The following NUDCD3 variants were observed in gnomAD, a reference collection of about 807,000 sequenced individuals.
The protein encoded by NUDCD3 is NudC domain containing 3, also known as nudC domain-containing protein 3.
NUDCD3 carries 13 observed loss-of-function variants against 39.7 expected under a neutral mutation model. The observed-to-expected ratio is 0.33, with a 90% CI of 0.21 to 0.52. The LOEUF (loss-of-function observed/expected upper bound fraction) is 0.52, where lower values mean the gene tolerates loss of function less well. Ranked by LOEUF, NUDCD3 falls within the 20% of genes least tolerant of loss-of-function variation. The pLI is 0.96. For synonymous variants in NUDCD3, 175 were observed against 172.4 expected, an observed-to-expected ratio of 1.02 and a Z score of -0.12; for missense variants, 453 against 458.1, an observed-to-expected ratio of 0.99 and a Z score of 0.10.
rs1177273374 is a variant in NUDCD3 at position 44,434,038 on chromosome 7, C to T, written c.510-6335G>A. Among the ~76,000 whole-genome samples the T allele has an allele frequency of 2.6e-5, 4 of 152,262 alleles. No homozygotes were observed. In the East Asian group the frequency reaches 7.7e-4, roughly 29 times the overall value. On this transcript the variant is annotated intron_variant, in intron 2 of 5. Transcript: ENST00000355451. ...CTTCTGGGTTTCTTCATTTTCAAAGCTTTACAAAATAAGCATTATTATAAA... is the reference window on the plus strand; with the variant it reads ...CTTCTGGGTTTCTTCATTTTCAAAGTTTTACAAAATAAGCATTATTATAAA...
intron 3 of NUDCD3, 57 bp downstream of exon 3, chr7:44,427,514 C>A: frequency 6.4e-7 from 1 of 1,572,962 alleles, no homozygotes; most frequent in Non-Finnish European, 8.6e-7. Flanking sequence ...GTCTTCCCTG[C>A]AACAGCTTTG....
chr7:44,392,081 T>A (rs1306954935), intron 5 of NUDCD3, among the ~76,000 whole-genome samples: 1 of 152,190 alleles, frequency 6.6e-6, no homozygotes, highest in Non-Finnish European at 1.5e-5. Context: ...TCAGCCCAGG[T>A]ATGAGAACAC....
At chr7:44,453,983 C>T (rs1356504889) in intron 2 of NUDCD3, among the ~76,000 whole-genome samples, 3 of 152,016 alleles carry the variant, frequency 2.0e-5, no homozygotes, top group Non-Finnish European at 4.4e-5. Flanking sequence ...GTCAAGGCTG[C>T]AGTGAGCTGT....
chr7:44,380,032 T>A lies in NUDCD3; in HGVS notation c.*5979A>T, dbSNP rs894500863. ...CGGGGAGGCAGACAGCGTCCACCAC[T>A]ACCAGGTCCACCTGCTTTAGGTATA... On this transcript the variant is annotated 3_prime_UTR_variant, in exon 6 of 6. Coordinates refer to ENST00000355451, the MANE Select transcript of NUDCD3 (RefSeq NM_015332.4). 16 of 152,268 alleles carry A rather than the reference T, an allele frequency of 1.1e-4. No individual in the cohort carries two copies. The highest frequency in any genetic ancestry group is 1.0e-3 in the Admixed American group (16 of 15,284). 9.4% of individuals were successfully genotyped at this position (152,268 alleles called of 1,614,324 possible).
rs537334658 is a variant in NUDCD3 at position 44,462,590 on chromosome 7, C to T, written c.509+22378G>A. Among the ~76,000 whole-genome samples the T allele has an allele frequency of 2.0e-5, 3 of 152,336 alleles. No homozygotes were observed. The East Asian group carries it at 5.8e-4, about 29-fold the overall frequency. ...CAGAAAACTCCTACTTGATCAGCAG[C>T]TCTCAAAGGGAGGGTAGGCCCTGCC... On this transcript the variant is annotated intron_variant, in intron 2 of 5. Transcript: ENST00000355451.
At chr7:44,454,231 G>C (rs1337835281) in intron 2 of NUDCD3, among the ~76,000 whole-genome samples, 1 of 152,038 alleles carries the variant, frequency 6.6e-6, no homozygotes, top group African/African-American at 2.4e-5. Context: ...CCCAGCTACT[G>C]GGGAGGCTGA....
chr7:44,433,309 AC>A (rs2116910872), intron 2 of NUDCD3, among the ~76,000 whole-genome samples: 1 of 152,242 alleles, frequency 6.6e-6, no homozygotes, highest in African/African-American at 2.4e-5. Flanking sequence ...TGTGCAGTGC[AC>A]TGTGTGGTAA....
chr7:44,427,513 G>C, intron 3 of NUDCD3, 58 bp downstream of exon 3: 3 of 1,569,944 alleles, frequency 1.9e-6, no homozygotes, highest in Non-Finnish European at 2.6e-6. Context: ...GGTCTTCCCT[G>C]CAACAGCTTT....
rs188353658 is a variant in NUDCD3, at chr7:44,432,215, A to G, written c.510-4512T>C. Among the ~76,000 whole-genome samples, 139 of 152,312 alleles carry G rather than the reference A, an allele frequency of 9.1e-4. 2 individuals carry two copies. Among genetic ancestry groups the G allele is most frequent in the Admixed American group, 7.9e-3 (121 of 15,294 alleles). ...GAGAATAGCTTGAGCCCAGGCGTTT[A>G]AGGTTATAATGAACTATGATTGTAC... On this transcript the variant is annotated intron_variant, in intron 2 of 5. Coordinates refer to ENST00000355451, the MANE Select transcript of NUDCD3 (RefSeq NM_015332.4).
At chr7:44,397,608 T>A (rs568300322) in intron 4 of NUDCD3, among the ~76,000 whole-genome samples, 1 of 152,296 alleles carries the variant, frequency 6.6e-6, no homozygotes, top group East Asian at 1.9e-4. Context: ...TCATTTTTTT[T>A]AACATTTTAT....
chr7:44,385,643 G>A lies in NUDCD3; in HGVS notation c.*368C>T, dbSNP rs1798388833. ...ACTCCACATCCCAACCAGAAGACATGCAAGCAGAATAGCGTCAAAACAACA... is the reference window on the plus strand; with the variant it reads ...ACTCCACATCCCAACCAGAAGACATACAAGCAGAATAGCGTCAAAACAACA... On this transcript the variant is annotated 3_prime_UTR_variant, in exon 6 of 6. Coordinates refer to ENST00000355451, the MANE Select transcript of NUDCD3 (RefSeq NM_015332.4). 4.5e-6 allele frequency: 1 copy of A among 222,624 alleles called. No individual in the cohort carries two copies. The highest frequency in any genetic ancestry group is 8.8e-6 in the Non-Finnish European group (1 of 113,320). 13.8% of individuals were successfully genotyped at this position (222,624 alleles called of 1,614,324 possible).
Position 44,379,756 on chromosome 7 carries a change from C to A in NUDCD3, c.*6255G>T, listed in dbSNP as rs767243070. 2.0e-5 allele frequency: 3 copies of A among 152,290 alleles called. No homozygotes were observed. Among genetic ancestry groups the A allele is most frequent in the Non-Finnish European group, 4.4e-5 (3 of 68,170 alleles). The allele number at this position is 152,290 out of a possible 1,614,324, so 9.4% of individuals were successfully genotyped here. ...CCCGAGTTTCCCCCACTGCATAGAG[C>A]CTGGTGCCAGGGAAGACAGGCTGGA... is the stretch of plus-strand genomic sequence containing the variant. On this transcript the variant is annotated 3_prime_UTR_variant, in exon 6 of 6. Transcript: ENST00000355451.
intron 2 of NUDCD3, among the ~76,000 whole-genome samples, chr7:44,477,535 C>T (rs1005408772): frequency 6.6e-6 from 1 of 152,196 alleles, no homozygotes; most frequent in Non-Finnish European, 1.5e-5. Flanking sequence ...ACCTGCAGGT[C>T]AAGAGCCTGA....
intron 1 of NUDCD3, among the ~76,000 whole-genome samples, chr7:44,488,345 A>C (rs1360099857): frequency 1.3e-5 from 2 of 151,744 alleles, no homozygotes; most frequent in Non-Finnish European, 2.9e-5. Flanking sequence ...CAGGAAAAAA[A>C]AAAAAAAAAA....
intron 2 of NUDCD3, 66 bp downstream of exon 2, chr7:44,484,902 T>A: frequency 8.3e-7 from 1 of 1,208,866 alleles, no homozygotes; most frequent in South Asian, 1.5e-5. Context: ...AAGAATAAAT[T>A]ATGGAGAAAC....
intron 4 of NUDCD3, among the ~76,000 whole-genome samples, chr7:44,399,691 C>A (rs780145734): frequency 4.6e-5 from 7 of 152,122 alleles, no homozygotes; most frequent in Non-Finnish European, 7.4e-5. Context: ...ATGTCATCGG[C>A]GACACTCCAG....
intron 2 of NUDCD3, among the ~76,000 whole-genome samples, chr7:44,433,514 AGT>A (rs563697438): frequency 3.3e-5 from 5 of 151,896 alleles, no homozygotes; most frequent in Non-Finnish European, 7.4e-5. Flanking sequence ...GTGGGCATGC[AGT>A]GTGTGTGTGC....
rs760948551 is a variant in NUDCD3, at chr7:44,490,401, C to G, written c.192+8G>C. 7 of 1,541,598 alleles carry G rather than the reference C, an allele frequency of 4.5e-6. No homozygotes were observed. The highest frequency in any genetic ancestry group is 5.2e-6 in the Non-Finnish European group (6 of 1,145,304). ...CGGCTCCCCAGACCGCAGGCCCGCC[C>G]GCCTCACCTGCAGCACCAAGGCCTG... On this transcript the variant is annotated splice_region_variant and intron_variant, in intron 1 of 5. Coordinates refer to ENST00000355451, the MANE Select transcript of NUDCD3 (RefSeq NM_015332.4).
intron 4 of NUDCD3, among the ~76,000 whole-genome samples, chr7:44,393,493 A>G (rs1563163773): frequency 6.6e-6 from 1 of 152,206 alleles, no homozygotes; most frequent in Non-Finnish European, 1.5e-5. Flanking sequence ...ACAGAAAACA[A>G]GAAAACTGGC....
Sources: allele counts gnomAD v4.1 joint callset (sites outside exome capture counted in the v4.1 genomes callset), GRCh38; gene constraint gnomAD v4.1.1; transcripts MANE v1.5; gene names NCBI Gene and HGNC (gene_info 2026-07-23, HGNC 2026-07-21).